HNF4A: variants seen among roughly 807,000 people sequenced by gnomAD.
HNF4A encodes the protein hepatocyte nuclear factor 4 alpha, also known as hepatocyte nuclear factor 4-alpha.
A neutral mutation model predicts 52.4 loss-of-function variants in HNF4A; 15 were observed. The ratio of observed to expected loss-of-function variants is 0.29; its 90% confidence interval spans 0.19 to 0.44. The LOEUF (loss-of-function observed/expected upper bound fraction) is 0.44, where lower values mean the gene tolerates loss of function less well. Ranked by LOEUF, HNF4A falls within the 20% of genes least tolerant of loss-of-function variation. The pLI, the probability that HNF4A is intolerant of heterozygous loss-of-function variation, is 1.00. For synonymous variants in HNF4A, 280 were observed against 264.4 expected (o/e 1.06, Z -0.57); for missense variants, 479 against 647.2 (o/e 0.74, Z 2.82).
chr20:44,433,390 C>T, downstream of HNF4A: 1 of 153,178 alleles, frequency 6.5e-6, no homozygotes, highest in Non-Finnish European at 1.4e-5. Flanking sequence ...GTTTTTTTTT[C>T]TAGAACAAGG....
chr20:44,387,263 G>A (rs2063236159), intron 1 of HNF4A, among the ~76,000 whole-genome samples: 1 of 136,228 alleles, frequency 7.3e-6, no homozygotes, highest in South Asian at 2.4e-4. Flanking sequence ...TCTCCAGCCT[G>A]AGTGACAAGA....
intron 1 of HNF4A, among the ~76,000 whole-genome samples, chr20:44,394,297 C>A (rs1357456897): frequency 6.6e-6 from 1 of 152,164 alleles, no homozygotes; most frequent in African/African-American, 2.4e-5. Context: ...CCCGAGGTGA[C>A]CTTCTGTCCT....
chr20:44,385,536 T>C (rs1347711027), intron 1 of HNF4A, among the ~76,000 whole-genome samples: 3 of 152,040 alleles, frequency 2.0e-5, no homozygotes, highest in African/African-American at 7.2e-5. Context: ...TGGCCTGATC[T>C]CTTCTCACTG....
intron 1 of HNF4A, among the ~76,000 whole-genome samples, chr20:44,393,685 C>G (rs1341903297): frequency 6.6e-6 from 1 of 152,106 alleles, no homozygotes. Context: ...GCTCCTAAAA[C>G]AGCTGCATAT....
At chr20:44,375,432 T>C (rs1378603541) in intron 1 of HNF4A, among the ~76,000 whole-genome samples, 45 of 152,188 alleles carry the variant, frequency 3.0e-4, no homozygotes, top group Non-Finnish European at 1.9e-4. Context: ...TTGTCAATTT[T>C]TGGTTTTGTT....
chr20:44,407,696 C>A (rs1018709991), intron 3 of HNF4A, among the ~76,000 whole-genome samples: 10 of 152,082 alleles, frequency 6.6e-5, no homozygotes, highest in African/African-American at 2.4e-4. Flanking sequence ...CTCTTGGCTC[C>A]TCAGGCTCCC....
At chr20:44,366,359 G>A (rs185036667) in intron 1 of HNF4A, among the ~76,000 whole-genome samples, 6 of 152,002 alleles carry the variant, frequency 3.9e-5, no homozygotes, top group African/African-American at 7.3e-5. Context: ...AGTGGCACAC[G>A]CCTGTAATCC....
Position 44,381,202 on chromosome 20 carries a change from G to C in HNF4A, c.50-24856G>C, listed in dbSNP as rs1177089761. Among the ~76,000 whole-genome samples the C allele has an allele frequency of 4.0e-5, 6 of 151,204 alleles. No individual in the cohort carries two copies. The East Asian group carries it at 1.2e-3, about 29-fold the overall frequency. On this transcript the variant is annotated intron_variant, in intron 1 of 9. Coordinates refer to the HNF4A transcript ENST00000316673. ...TATTTTATAGAAAGATCTCCATTTTGAGCCTCAAGTTTCCTCCCTGTAGCA... is the reference window on the plus strand; with the variant it reads ...TATTTTATAGAAAGATCTCCATTTTCAGCCTCAAGTTTCCTCCCTGTAGCA...
intron 9 of HNF4A, 57 bp from the exon 10 acceptor site, chr20:44,429,466 T>G: frequency 1.2e-6 from 2 of 1,612,026 alleles, no homozygotes; most frequent in Non-Finnish European, 1.7e-6. Flanking sequence ...CCTCTTCATT[T>G]ACTCCCACAA....
chr20:44,418,500 G>T lies in HNF4A; in HGVS notation c.724G>T (p.Val242Leu), dbSNP rs202105574. Reference sequence around the variant, plus strand: ...CAAGAGATCCATGGTGTTCAAGGACGTGCTGCTCCTAGGTGAGGCGGCTGC... The same window carrying T: ...CAAGAGATCCATGGTGTTCAAGGACTTGCTGCTCCTAGGTGAGGCGGCTGC... Residue 242 changes from valine to leucine, a missense_variant, in exon 6 of 10, where the codon GTG (valine) becomes TTG (leucine). Coordinates refer to ENST00000316099, the MANE Select transcript of HNF4A (RefSeq NM_000457.6). 1.1e-5 allele frequency: 18 copies of T among 1,612,618 alleles called. No homozygotes were observed. The South Asian group carries it at 1.9e-4, about 17-fold the overall frequency.
At chr20:44,390,695 C>T in intron 1 of HNF4A, 1 of 700,960 alleles carries the variant, frequency 1.4e-6, no homozygotes, top group South Asian at 1.5e-5. Context: ...GTCCTGACTC[C>T]ACATCTGCCT....
intron 6 of HNF4A, 22 bp downstream of exon 6, chr20:44,418,534 G>A (rs773632165): frequency 1.3e-6 from 2 of 1,584,286 alleles, no homozygotes; most frequent in Non-Finnish European, 1.7e-6. Flanking sequence ...GCCTGCCCTG[G>A]CCAGGGCTCC....
chr20:44,363,426 C>G (rs1186580452), intron 1 of HNF4A, among the ~76,000 whole-genome samples: 1 of 152,126 alleles, frequency 6.6e-6, no homozygotes, highest in Non-Finnish European at 1.5e-5. Flanking sequence ...GAATAGATAA[C>G]TGGTCCCAGG....
At chr20:44,382,023 C>T (rs1373129359) in intron 1 of HNF4A, among the ~76,000 whole-genome samples, 1 of 152,224 alleles carries the variant, frequency 6.6e-6, no homozygotes, top group Non-Finnish European at 1.5e-5. Flanking sequence ...AAGGTCCTAT[C>T]ATTGATTCCT....
chr20:44,375,536 G>A (rs2063076059), intron 1 of HNF4A, among the ~76,000 whole-genome samples: 1 of 151,692 alleles, frequency 6.6e-6, no homozygotes, highest in South Asian at 2.1e-4. Flanking sequence ...GTCACCCAGG[G>A]TGTTAATAAC....
chr20:44,370,838 T>C (rs1299113147), intron 1 of HNF4A, among the ~76,000 whole-genome samples: 1 of 152,128 alleles, frequency 6.6e-6, no homozygotes, highest in Non-Finnish European at 1.5e-5. Flanking sequence ...GACCTCTCTC[T>C]CCCCAGACAG....
intron 1 of HNF4A, among the ~76,000 whole-genome samples, chr20:44,376,425 C>A (rs1417133528): frequency 6.6e-6 from 1 of 152,042 alleles, no homozygotes; most frequent in East Asian, 1.9e-4. Flanking sequence ...TTTATAATCT[C>A]ATTTCTCCTT....
At position 44,404,939 on chromosome 20, in the gene HNF4A, C is replaced by G. The variant is rs200846340; in HGVS notation, c.116-1119C>G. Among the ~76,000 whole-genome samples, 112 of 19,338 alleles carry G rather than the reference C, an allele frequency of 5.8e-3. 2 individuals are homozygous for G. The highest frequency in any genetic ancestry group is 0.022 in the African/African-American group (110 of 5,024). The allele number at this position is 19,338 out of a possible 152,430, so 12.7% of individuals were successfully genotyped here. A position where few individuals can be genotyped will look rare whatever the true frequency, so the allele number is the denominator to read the frequency against. ...TGTGTGCTTGTGTGTGGTGTGTGTGCGTGTGTGGGAACTGTGTGGTGTGTG... is the reference window on the plus strand; with the variant it reads ...TGTGTGCTTGTGTGTGGTGTGTGTGGGTGTGTGGGAACTGTGTGGTGTGTG... On this transcript the variant is annotated intron_variant, in intron 1 of 9. Coordinates refer to ENST00000316099, the MANE Select transcript of HNF4A (RefSeq NM_000457.6).
At chr20:44,415,612 G>T (rs928095189) in intron 5 of HNF4A, among the ~76,000 whole-genome samples, 1 of 152,166 alleles carries the variant, frequency 6.6e-6, no homozygotes, top group African/African-American at 2.4e-5. Flanking sequence ...TACCCGTTTC[G>T]CACCTTTGCA....
Sources: allele counts gnomAD v4.1 joint callset (sites outside exome capture counted in the v4.1 genomes callset), GRCh38; gene constraint gnomAD v4.1.1; transcripts MANE v1.5; gene names NCBI Gene and HGNC (gene_info 2026-07-23, HGNC 2026-07-21).